E2F3: variants seen among roughly 807,000 people sequenced by gnomAD.
E2F3 encodes transcription factor E2F3.
A neutral mutation model predicts 44.4 loss-of-function variants in E2F3; 11 were observed. The ratio of observed to expected loss-of-function variants is 0.25; its 90% CI spans 0.16 to 0.41. The LOEUF (loss-of-function observed/expected upper bound fraction) is 0.41, where lower values mean the gene tolerates loss of function less well. Among genes scored for constraint, E2F3 ranks in the 10% least tolerant of loss-of-function variants. E2F3 has a pLI of 1.00. For synonymous variants in E2F3, 249 were observed against 253.0 expected, an observed-to-expected ratio of 0.98 and a Z score of 0.15; for missense variants, 487 against 583.6, an observed-to-expected ratio of 0.83 and a Z score of 1.70.
At chr6:20,412,109 T>G (rs79312972) in intron 1 of E2F3, among the ~76,000 whole-genome samples, 2,789 of 152,254 alleles carry the variant, frequency 0.018, 84 homozygotes, top group African/African-American at 0.063. Flanking sequence ...CAAGTTGATC[T>G]GCAAGCAAGA....
chr6:20,411,579 C>T (rs569831785), intron 1 of E2F3, among the ~76,000 whole-genome samples: 3 of 152,314 alleles, frequency 2.0e-5, no homozygotes, highest in African/African-American at 7.2e-5. Context: ...CTTGCCTTTT[C>T]GGTCTTGCTT....
intron 1 of E2F3, among the ~76,000 whole-genome samples, chr6:20,438,487 A>G (rs1016730904): frequency 6.6e-6 from 1 of 152,152 alleles, no homozygotes; most frequent in Non-Finnish European, 1.5e-5. Flanking sequence ...GTGTCTCGGC[A>G]TATTTGAAAT....
chr6:20,405,466 C>T (rs1384780069), intron 1 of E2F3, among the ~76,000 whole-genome samples: 1 of 151,582 alleles, frequency 6.6e-6, no homozygotes, highest in Non-Finnish European at 1.5e-5. Flanking sequence ...CTGCCTCAGC[C>T]TCCTGAGTAG....
chr6:20,487,684 A>G (rs569470524), intron 5 of E2F3, among the ~76,000 whole-genome samples: 95 of 152,296 alleles, frequency 6.2e-4, no homozygotes, highest in Middle Eastern at 3.4e-3. Context: ...CTCTCCCCCA[A>G]GCCCCACTAA....
chr6:20,433,131 C>T (rs1760461932), intron 1 of E2F3, among the ~76,000 whole-genome samples: 1 of 152,196 alleles, frequency 6.6e-6, no homozygotes, highest in African/African-American at 2.4e-5. Context: ...GAATGAAGAA[C>T]TTGAAGGAAG....
At chr6:20,481,519 G>A (rs747303404) in intron 3 of E2F3, 94 bp downstream of exon 3, 38 of 1,102,468 alleles carry the variant, frequency 3.4e-5, no homozygotes, top group Non-Finnish European at 4.3e-5. Context: ...ACGCCCACAC[G>A]TTCTTTTCTT....
At chr6:20,405,620 C>T (rs773283225) in intron 1 of E2F3, among the ~76,000 whole-genome samples, 18 of 152,136 alleles carry the variant, frequency 1.2e-4, no homozygotes, top group Non-Finnish European at 1.5e-4. Context: ...GTCAAGAGAT[C>T]CAGACCATCC....
At chr6:20,448,031 C>A (rs1318024541) in intron 1 of E2F3, among the ~76,000 whole-genome samples, 2 of 152,156 alleles carry the variant, frequency 1.3e-5, no homozygotes, top group Admixed American at 1.3e-4. Flanking sequence ...CCTGTTGACA[C>A]AATAGGCAGG....
chr6:20,426,849 T>C (rs1760232171), intron 1 of E2F3, among the ~76,000 whole-genome samples: 1 of 152,254 alleles, frequency 6.6e-6, no homozygotes, highest in East Asian at 1.9e-4. Context: ...TTTTCCATTC[T>C]TGACAAATGA....
intron 1 of E2F3, among the ~76,000 whole-genome samples, chr6:20,441,997 CTT>C (rs112011567): frequency 7.6e-5 from 11 of 144,202 alleles, no homozygotes; most frequent in South Asian, 2.2e-4. Flanking sequence ...GTCACCCAAC[CTT>C]TTTTTTTTTT....
chr6:20,479,757 C>A, intron 1 of E2F3, 89 bp from the exon 2 acceptor site: 1 of 1,072,216 alleles, frequency 9.3e-7, no homozygotes, highest in Non-Finnish European at 1.4e-6. Flanking sequence ...CATGAGCCTG[C>A]AGCATTTGGC....
chr6:20,485,465 A>G (rs2127624820), intron 4 of E2F3, among the ~76,000 whole-genome samples: 1 of 152,262 alleles, frequency 6.6e-6, no homozygotes, highest in African/African-American at 2.4e-5. Flanking sequence ...CTGTAGTCCC[A>G]TCTGTTTGGG....
chr6:20,412,368 A>AT (rs1318275676), intron 1 of E2F3, among the ~76,000 whole-genome samples: 3 of 151,584 alleles, frequency 2.0e-5, no homozygotes, highest in East Asian at 3.9e-4. Flanking sequence ...TAAGACATGG[A>AT]TTTTTTTTCT....
chr6:20,403,649 G>C, intron 1 of E2F3: 1 of 514,680 alleles, frequency 1.9e-6, no homozygotes, highest in Non-Finnish European at 3.4e-6. Flanking sequence ...GGCCTGGGAC[G>C]GTCCCGGCGC....
intron 1 of E2F3, among the ~76,000 whole-genome samples, chr6:20,475,426 G>A (rs554884062): frequency 9.2e-5 from 14 of 152,340 alleles, no homozygotes; most frequent in Non-Finnish European, 1.3e-4. Context: ...CTGCTGACCA[G>A]TGGGTGGTTC....
intron 1 of E2F3, among the ~76,000 whole-genome samples, chr6:20,409,786 A>T (rs1259749415): frequency 6.6e-6 from 1 of 152,232 alleles, no homozygotes; most frequent in Non-Finnish European, 1.5e-5. Flanking sequence ...CTGAGGCCTG[A>T]AAGTGAAACA....
chr6:20,418,470 A>G (rs1759921682), intron 1 of E2F3, among the ~76,000 whole-genome samples: 1 of 152,234 alleles, frequency 6.6e-6, no homozygotes, highest in African/African-American at 2.4e-5. Context: ...GAGTAGGTCT[A>G]GCCCTAAACT....
chr6:20,403,977 GAAAAATCTAACT>G, intron 1 of E2F3: 1 of 508,254 alleles, frequency 2.0e-6, no homozygotes, highest in Middle Eastern at 2.9e-4. Flanking sequence ...GAGTAAGCAA[GAAAAATCTAACT>G]AAGTAAATGC....
chr6:20,484,186 C>A (rs1375069775), intron 4 of E2F3, among the ~76,000 whole-genome samples: 3 of 152,166 alleles, frequency 2.0e-5, no homozygotes, highest in Admixed American at 6.5e-5. Context: ...CTCTCTGGGG[C>A]CTTTGTTGCA....
Sources: allele counts gnomAD v4.1 joint callset (sites outside exome capture counted in the v4.1 genomes callset), GRCh38; gene constraint gnomAD v4.1.1; transcripts MANE v1.5; gene names NCBI Gene and HGNC (gene_info 2026-07-23, HGNC 2026-07-21).